IQGAP3: variants seen among roughly 807,000 people sequenced by gnomAD.
IQGAP3 encodes the protein ras GTPase-activating-like protein IQGAP3.
In IQGAP3, 165 loss-of-function variants were observed where a neutral mutation model predicts 208.2. The ratio of observed to expected loss-of-function variants is 0.79; its 90% CI spans 0.70 to 0.90. The LOEUF (loss-of-function observed/expected upper bound fraction) is 0.90. Ranked by LOEUF, IQGAP3 falls within the 40% of genes least tolerant of loss-of-function variation. IQGAP3 has a pLI of 0.00. For synonymous variants in IQGAP3, 703 were observed against 803.6 expected (o/e 0.87, Z 2.12); for missense variants, 1,811 against 2,043.1 (o/e 0.89, Z 2.19).
chr1:156,534,935 T>C (rs1243370489), intron 28 of IQGAP3, among the ~76,000 whole-genome samples: 1 of 152,200 alleles, frequency 6.6e-6, no homozygotes, highest in African/African-American at 2.4e-5. Flanking sequence ...CCAGATCTCC[T>C]GACAAGAAGC....
chr1:156,554,207 T>C, intron 13 of IQGAP3, 28 bp downstream of exon 13: 1 of 1,582,844 alleles, frequency 6.3e-7, no homozygotes, highest in Non-Finnish European at 8.6e-7. Flanking sequence ...CATCCCTCAC[T>C]CCCAATGTGT....
chr1:156,538,799 A>G lies in IQGAP3; in HGVS notation c.3281+10T>C, dbSNP rs200121410. The G allele has an allele frequency of 4.6e-5, 74 of 1,610,610 alleles. No homozygotes were observed. The African/African-American group carries it at 9.7e-4, about 21-fold the overall frequency. Reference sequence around the variant, plus strand: ...TCAAAGAGAGCTCCTCCCTCTGCCCATGTGCTCACCTGCGCTGCCCTGTCT... The same window carrying G: ...TCAAAGAGAGCTCCTCCCTCTGCCCGTGTGCTCACCTGCGCTGCCCTGTCT... On this transcript the variant is annotated intron_variant, in intron 26 of 37. Coordinates refer to ENST00000361170, the MANE Select transcript of IQGAP3 (RefSeq NM_178229.5).
At chr1:156,544,276 A>G in intron 20 of IQGAP3, 53 bp from the exon 21 acceptor site, 1 of 1,595,366 alleles carries the variant, frequency 6.3e-7, no homozygotes, top group East Asian at 2.2e-5. Context: ...ACCCTCACTC[A>G]GTCTCAGGCC....
At chr1:156,537,049 C>T in intron 27 of IQGAP3, 132 bp downstream of exon 27, 1 of 979,550 alleles carries the variant, frequency 1.0e-6, no homozygotes, top group Non-Finnish European at 1.5e-6. Context: ...TCAGGAACCC[C>T]TCTGAGTACC....
chr1:156,559,229 G>C (rs1201352708), intron 11 of IQGAP3, among the ~76,000 whole-genome samples: 2 of 152,224 alleles, frequency 1.3e-5, no homozygotes, highest in Admixed American at 6.5e-5. Context: ...AGATTGACAG[G>C]TGGCTATGGA....
At chr1:156,571,937 G>C (rs1676663998) in intron 1 of IQGAP3, among the ~76,000 whole-genome samples, 1 of 152,218 alleles carries the variant, frequency 6.6e-6, no homozygotes, top group African/African-American at 2.4e-5. Flanking sequence ...ATCACCTGGG[G>C]TGAGGGAAGA....
chr1:156,542,613 T>C (rs1675039525), intron 22 of IQGAP3, among the ~76,000 whole-genome samples: 1 of 152,194 alleles, frequency 6.6e-6, no homozygotes, highest in Non-Finnish European at 1.5e-5. Context: ...ATTAGCATTA[T>C]GTCCAGTTTA....
Position 156,540,847 on chromosome 1 carries a change from T to C in IQGAP3, c.2600A>G (p.Asp867Gly), listed in dbSNP as rs758016986. 3.7e-6 allele frequency: 6 copies of C among 1,613,858 alleles called. No individual in the cohort carries two copies. Among genetic ancestry groups the C allele is most frequent in the Non-Finnish European group, 4.2e-6 (5 of 1,179,934 alleles). Residue 867 changes from aspartate to glycine, a missense_variant, in exon 23 of 38, where the codon GAC becomes GGC. By Grantham distance (94) the Asp-to-Gly change is moderately conservative. Transcript: ENST00000361170. ...CAGCAGCTCTGCCTCAGCCAAGAAGTCTTGCTGGCTTTGATTCAAGAGATG... is the reference window on the plus strand; with the variant it reads ...CAGCAGCTCTGCCTCAGCCAAGAAGCCTTGCTGGCTTTGATTCAAGAGATG... ...FAHLLNQSQQ[D>G]FLAEAELLKL...
chr1:156,533,199 A>G (rs1609666), intron 31 of IQGAP3, 93 bp from the exon 32 acceptor site: 606,822 of 1,501,312 alleles, frequency 0.4, 133,649 homozygotes, highest in African/African-American at 0.77. Flanking sequence ...ATGGGGTCAC[A>G]TTAAATCAGC....
chr1:156,528,432 C>G (rs952885845), intron 36 of IQGAP3, 77 bp downstream of exon 36: 5 of 1,026,456 alleles, frequency 4.9e-6, no homozygotes, highest in Non-Finnish European at 7.5e-6. Flanking sequence ...CTCTTCCACC[C>G]GGTGCCCAGC....
chr1:156,554,610 T>C (rs1055668872), intron 12 of IQGAP3, among the ~76,000 whole-genome samples: 12 of 152,246 alleles, frequency 7.9e-5, no homozygotes, highest in African/African-American at 2.7e-4. Flanking sequence ...TTAATTTTCA[T>C]AATAAGCCGA....
chr1:156,540,737 G>C lies in IQGAP3; in HGVS notation c.2710C>G (p.Leu904Val). 1 of 1,614,106 alleles carries C rather than the reference G, an allele frequency of 6.2e-7. No homozygotes were observed. The highest frequency in any genetic ancestry group is 8.5e-7 in the Non-Finnish European group (1 of 1,180,026). ...DLNIMDIKIG[L>V]LVKNRITLQE... ...AGAGTGATCCGGTTCTTCACCAGCA[G>C]GCCAATCTTGATGTCCATGATGTTG... Residue 904 changes from leucine to valine, a missense_variant, in exon 23 of 38, where the codon CTG (leucine) becomes GTG (valine). By Grantham distance (32) the Leu-to-Val change is conservative. Transcript: ENST00000361170.
chr1:156,563,113 C>A (rs1201910659), intron 8 of IQGAP3, 21 bp downstream of exon 8: 2 of 1,550,486 alleles, frequency 1.3e-6, no homozygotes, highest in African/African-American at 2.7e-5. Flanking sequence ...TCGGTCCCTG[C>A]AACCCAAGAC....
At chr1:156,537,129 C>G in intron 27 of IQGAP3, 52 bp downstream of exon 27, 1 of 1,581,472 alleles carries the variant, frequency 6.3e-7, no homozygotes, top group Non-Finnish European at 8.6e-7. Context: ...CCATGGTGGC[C>G]TGGCCCTCTT....
rs756230667 is a variant in IQGAP3, at chr1:156,535,236, C to A, written c.3434G>T (p.Arg1145Leu). ...SSVDQIPYGMRYVAKVLKATL... is the reference protein window; with the variant it reads ...SSVDQIPYGMLYVAKVLKATL... ...TGCCTTCAGGACTTTGGCCACATAT[C>A]GCATCCCATACCTGGGGACAAAGAA... The change falls in exon 28 of 38, where the codon CGA becomes CTA. Residue 1145 changes from arginine to leucine, a missense_variant. Arg to Leu is a moderately radical substitution (Grantham distance 102). Transcript: ENST00000361170. 6.2e-7 allele frequency: 1 copy of A among 1,612,124 alleles called. No individual in the cohort carries two copies. Among genetic ancestry groups the A allele is most frequent in the Admixed American group, 1.7e-5 (1 of 59,844 alleles).
At chr1:156,553,925 T>C (rs7539183) in intron 13 of IQGAP3, among the ~76,000 whole-genome samples, 93,874 of 152,188 alleles carry the variant, frequency 0.62, 29,491 homozygotes, top group Non-Finnish European at 0.68. Flanking sequence ...TACTAGCATG[T>C]AAGTTTGACA....
intron 37 of IQGAP3, among the ~76,000 whole-genome samples, 153 bp from the exon 38 acceptor site, chr1:156,526,752 G>A (rs1037688720): frequency 3.3e-5 from 5 of 152,170 alleles, no homozygotes; most frequent in African/African-American, 9.7e-5. Flanking sequence ...CACAAATGAG[G>A]AAACTGAGGC....
At chr1:156,539,571 C>T (rs1674877858) in intron 24 of IQGAP3, 34 bp from the exon 25 acceptor site, 1 of 1,608,582 alleles carries the variant, frequency 6.2e-7, no homozygotes, top group Admixed American at 1.7e-5. Flanking sequence ...AATGGCTGAC[C>T]ATGCACTTCA....
Position 156,566,486 on chromosome 1 carries a change from A to C in IQGAP3, c.186T>G (p.Leu62=). 1 of 1,614,058 alleles carries C rather than the reference A, an allele frequency of 6.2e-7. No individual in the cohort carries two copies. Among genetic ancestry groups the C allele is most frequent in the Non-Finnish European group, 8.5e-7 (1 of 1,179,992 alleles). The change falls in exon 3 of 38, where the codon CTT becomes CTG. Residue 62 remains leucine, a synonymous_variant. Transcript: ENST00000361170. The part of the protein sequence containing the change: ...LPSPVELEES[L]RNGVLLAKLG... ...GCTTGGCCAGCAGCACTCCATTCCG[A>C]AGGCTCTCCTCCAGCTCCACCGGGG... is the stretch of plus-strand genomic sequence containing the variant.
Sources: gnomAD v4.1 joint callset for allele counts (sites outside exome capture counted in the v4.1 genomes callset) on GRCh38, gnomAD v4.1.1 for gene constraint, MANE v1.5 for transcripts, NCBI Gene and HGNC (gene_info 2026-07-23, HGNC 2026-07-21) for gene names.